The following ANO10 variants were observed in gnomAD, a reference collection of about 807,000 sequenced individuals.
The protein encoded by ANO10 is anoctamin 10.
Under a neutral mutation model 74.7 loss-of-function variants are expected in ANO10, and 77 were observed. The ratio of observed to expected loss-of-function variants is 1.03; its 90% CI spans 0.86 to 1.25. The LOEUF is 1.25. Ranked by LOEUF, ANO10 falls within the 50% of genes most tolerant of loss-of-function variation. The probability of loss-of-function intolerance (pLI) is 0.00; values close to 1 mark genes in which losing one functional copy is unlikely to be tolerated. For missense variants in ANO10, 721 were observed against 778.1 expected (o/e 0.93, Z 0.87); for synonymous variants, 279 against 284.9 (o/e 0.98, Z 0.21).
rs145220541 is a variant in ANO10 at position 43,400,069 on chromosome 3, T to C, written c.1914+32542A>G. 6.8e-4 allele frequency among the ~76,000 whole-genome samples: 104 copies of C among 152,356 alleles called. 2 individuals carry two copies. The highest frequency in any genetic ancestry group is 2.1e-3 in the African/African-American group (86 of 41,584). On this transcript the variant is annotated intron_variant, in intron 12 of 12. Coordinates refer to ENST00000292246, the MANE Select transcript of ANO10 (RefSeq NM_018075.5). ...TTCTCTGCTCTAGTTCTCTGTCAAC[T>C]CTTTCCTATTCTGCTTTCTATGTTA...
At chr3:43,485,322 C>T (rs72865013) in intron 11 of ANO10, 59,474 of 534,094 alleles carry the variant, frequency 0.11, 4,106 homozygotes, top group African/African-American at 0.22. Context: ...CCTCCGGATC[C>T]GACAGGGTGT....
chr3:43,474,478 T>C (rs535708293), intron 11 of ANO10, among the ~76,000 whole-genome samples: 1 of 152,334 alleles, frequency 6.6e-6, no homozygotes, highest in African/African-American at 2.4e-5. Context: ...GACTTGTAAA[T>C]GTTTTAAACT....
chr3:43,594,173 T>C (rs1030254486), intron 4 of ANO10, among the ~76,000 whole-genome samples: 1 of 152,132 alleles, frequency 6.6e-6, no homozygotes, highest in East Asian at 1.9e-4. Flanking sequence ...GAGACTTTAA[T>C]ACCCCACTGT....
chr3:43,403,434 G>A (rs1398083999), intron 12 of ANO10, among the ~76,000 whole-genome samples: 1 of 152,262 alleles, frequency 6.6e-6, no homozygotes, highest in Admixed American at 6.5e-5. Flanking sequence ...GGGCACATGA[G>A]GAGCTGGGGG....
At chr3:43,594,114 A>G (rs1408551373) in intron 4 of ANO10, among the ~76,000 whole-genome samples, 2 of 152,110 alleles carry the variant, frequency 1.3e-5, no homozygotes, top group Non-Finnish European at 2.9e-5. Flanking sequence ...CATAAAGCAA[A>G]TCCTTAGAGA....
intron 7 of ANO10, among the ~76,000 whole-genome samples, chr3:43,574,245 C>T (rs540046959): frequency 6.0e-5 from 9 of 148,782 alleles, no homozygotes; most frequent in Admixed American, 2.7e-4. Flanking sequence ...CATGTGCTAC[C>T]GTGTCTGGCC....
chr3:43,662,126 C>T (rs535246810), intron 1 of ANO10, among the ~76,000 whole-genome samples: 1 of 152,312 alleles, frequency 6.6e-6, no homozygotes, highest in African/African-American at 2.4e-5. Flanking sequence ...CTACGTCGCA[C>T]TTATTCTAAA....
At chr3:43,511,037 TTTGA>T (rs2077489931) in intron 11 of ANO10, among the ~76,000 whole-genome samples, 1 of 152,236 alleles carries the variant, frequency 6.6e-6, no homozygotes, top group African/African-American at 2.4e-5. Context: ...GATAGTATAG[TTTGA>T]TTAATGTGTC....
chr3:43,466,270 C>T (rs2075608670), intron 11 of ANO10, among the ~76,000 whole-genome samples: 1 of 148,858 alleles, frequency 6.7e-6, no homozygotes, highest in South Asian at 2.2e-4. Context: ...ACTCGGGAGG[C>T]TGAGGCAGGG....
At chr3:43,399,191 T>C (rs912058548) in intron 12 of ANO10, among the ~76,000 whole-genome samples, 1 of 152,136 alleles carries the variant, frequency 6.6e-6, no homozygotes, top group African/African-American at 2.4e-5. Flanking sequence ...GTCTGAAGAG[T>C]TGCAAATACT....
chr3:43,404,830 C>A (rs1575683558), intron 12 of ANO10, among the ~76,000 whole-genome samples: 1 of 141,872 alleles, frequency 7.0e-6, no homozygotes, highest in South Asian at 2.2e-4. Context: ...CTGCAATGAG[C>A]CACTGCATTC....
At chr3:43,575,827 C>CG (rs2080967975) in intron 6 of ANO10, among the ~76,000 whole-genome samples, 1 of 151,944 alleles carries the variant, frequency 6.6e-6, no homozygotes, top group Non-Finnish European at 1.5e-5. Context: ...TTAGTAGAGA[C>CG]GGGGTTTCAC....
At chr3:43,371,334 T>C (rs541183323) in intron 12 of ANO10, among the ~76,000 whole-genome samples, 20 of 152,226 alleles carry the variant, frequency 1.3e-4, no homozygotes, top group South Asian at 2.1e-4. Flanking sequence ...GCTGGCCACA[T>C]AGGGTGTCTA....
intron 12 of ANO10, among the ~76,000 whole-genome samples, chr3:43,370,353 C>T (rs1422777332): frequency 6.6e-6 from 1 of 152,216 alleles, no homozygotes; most frequent in African/African-American, 2.4e-5. Context: ...TTCCACTGGC[C>T]ACCCCAGGCT....
At position 43,509,046 on chromosome 3, in the gene ANO10, G is replaced by C. The variant is rs932805376; in HGVS notation, c.1797+40674C>G. Among the ~76,000 whole-genome samples the C allele has an allele frequency of 2.7e-5, 4 of 150,796 alleles. No individual in the cohort carries two copies. In the East Asian group the frequency reaches 8.0e-4, roughly 30 times the overall value. On this transcript the variant is annotated intron_variant, in intron 11 of 12. Transcript: ENST00000292246. Reference sequence around the variant, plus strand: ...TGGAATACTATGCAGCCATAGAAAAGGATGAATTCATGTCCTTTGTAGGGA... The same window carrying C: ...TGGAATACTATGCAGCCATAGAAAACGATGAATTCATGTCCTTTGTAGGGA...
In ANO10 at chr3:43,533,107, C is replaced by G. The variant is rs560261008; in HGVS notation, c.1797+16613G>C. ...ACTCAAACAAGAAATGAGCTGTTAG[C>G]AGAAAAAAAATGGTAGCACATTTCA... On this transcript the variant is annotated intron_variant, in intron 11 of 12. Transcript: ENST00000292246. Among the ~76,000 whole-genome samples the G allele has an allele frequency of 3.3e-5, 5 of 151,774 alleles. No individual in the cohort carries two copies. In the South Asian group the frequency reaches 1.0e-3, roughly 32 times the overall value.
At chr3:43,520,995 T>C (rs780179576) in intron 11 of ANO10, among the ~76,000 whole-genome samples, 9 of 152,226 alleles carry the variant, frequency 5.9e-5, no homozygotes, top group Admixed American at 1.3e-4. Flanking sequence ...TTTTTGTACA[T>C]TGTTCTTGTC....
intron 11 of ANO10, among the ~76,000 whole-genome samples, chr3:43,482,043 C>T (rs2086652): frequency 0.024 from 3,579 of 151,336 alleles, 146 homozygotes; most frequent in African/African-American, 0.082. Flanking sequence ...ATTCTCCTGC[C>T]TCAGCCTCCC....
At chr3:43,576,633 G>A in intron 6 of ANO10, 59 bp downstream of exon 6, 1 of 1,559,792 alleles carries the variant, frequency 6.4e-7, no homozygotes, top group Non-Finnish European at 8.8e-7. Flanking sequence ...TGAATCCCAT[G>A]ATCTAGGCAA....
Sources: allele counts gnomAD v4.1 joint callset (sites outside exome capture counted in the v4.1 genomes callset), GRCh38; gene constraint gnomAD v4.1.1; transcripts MANE v1.5; gene names NCBI Gene and HGNC (gene_info 2026-07-23, HGNC 2026-07-21).